The following SSH1 variants were observed in gnomAD, a reference collection of about 807,000 sequenced individuals.
SSH1 encodes slingshot protein phosphatase 1.
A neutral mutation model predicts 79.7 loss-of-function variants in SSH1; 43 were observed. The observed-to-expected ratio is 0.54, with a 90% CI of 0.42 to 0.70. The LOEUF is 0.70. Among genes scored for constraint, SSH1 ranks in the 30% least tolerant of loss-of-function variants. SSH1 has a pLI of 0.00. For synonymous variants in SSH1, 599 were observed against 538.3 expected, an observed-to-expected ratio of 1.11 and a Z score of -1.56; for missense variants, 1,206 against 1,358.8, an observed-to-expected ratio of 0.89 and a Z score of 1.77.
chr12:108,800,024 T>C (rs1025043863), intron 12 of SSH1, among the ~76,000 whole-genome samples: 28 of 152,190 alleles, frequency 1.8e-4, no homozygotes, highest in Non-Finnish European at 1.2e-4. Context: ...TCCCCCTAAC[T>C]GCTGGTCTGA....
chr12:108,800,889 T>G lies in SSH1; in HGVS notation c.1039A>C (p.Asn347His). 1 of 1,614,016 alleles carries G rather than the reference T, an allele frequency of 6.2e-7. No individual in the cohort carries two copies. Among genetic ancestry groups the G allele is most frequent in the Non-Finnish European group, 8.5e-7 (1 of 1,179,958 alleles). Residue 347 changes from asparagine to histidine, a missense_variant, in exon 12 of 15, where the codon AAT (asparagine) becomes CAT (histidine). By Grantham distance (68) the Asn-to-His change is moderately conservative. Around this residue, in one of 5 missense-constraint regions of SSH1, gnomAD observed 166 missense variants for 262.9 expected, o/e 0.63. Coordinates refer to ENST00000326495, the MANE Select transcript of SSH1 (RefSeq NM_018984.4). The stretch of plus-strand genomic sequence containing the variant: ...TATGCAAATAAGCCAGGAAAAAAAT[T>G]ATCGATTTCTCTGGTAACATTTAAA... ...YILNVTREID[N>H]FFPGLFAYHN... is the part of the protein sequence containing the mutation.
intron 2 of SSH1, among the ~76,000 whole-genome samples, chr12:108,834,950 TC>T (rs149247231): frequency 0.012 from 1,816 of 152,258 alleles, 37 homozygotes; most frequent in African/African-American, 0.041. Flanking sequence ...CACTGGGCAC[TC>T]CCCACACACA....
intron 1 of SSH1, chr12:108,853,409 C>T: frequency 1.1e-6 from 1 of 939,676 alleles, no homozygotes; most frequent in Non-Finnish European, 1.3e-6. Flanking sequence ...CCAAACAACT[C>T]CGCACCGCTG....
intron 10 of SSH1, among the ~76,000 whole-genome samples, chr12:108,804,431 G>A (rs1593041403): frequency 6.6e-6 from 1 of 152,348 alleles, no homozygotes; most frequent in African/African-American, 2.4e-5. Flanking sequence ...CAACTTGCCA[G>A]TTGCCTTCTA....
intron 14 of SSH1, chr12:108,791,854 CA>C: frequency 2.9e-6 from 3 of 1,025,278 alleles, no homozygotes; most frequent in Non-Finnish European, 3.7e-6. Flanking sequence ...CCAGGATCAT[CA>C]GGGGTGTGGG....
intron 2 of SSH1, among the ~76,000 whole-genome samples, chr12:108,842,681 T>C (rs910488702): frequency 6.6e-6 from 1 of 152,204 alleles, no homozygotes; most frequent in Non-Finnish European, 1.5e-5. Context: ...CTGGTTCTTC[T>C]GATAAACTCC....
intron 2 of SSH1, among the ~76,000 whole-genome samples, chr12:108,830,226 T>G (rs1593106890): frequency 6.6e-6 from 1 of 152,044 alleles, no homozygotes; most frequent in Non-Finnish European, 1.5e-5. Flanking sequence ...CCAAGGTGGG[T>G]GGATCACTTG....
At position 108,857,581 on chromosome 12, in the gene SSH1, C is replaced by G. The variant is rs1220125613; in HGVS notation, c.-85G>C. 2.9e-5 allele frequency: 24 copies of G among 828,006 alleles called. No individual in the cohort carries two copies. Among genetic ancestry groups the G allele is most frequent in the Non-Finnish European group, 2.8e-5 (19 of 689,248 alleles). 51.3% of individuals were successfully genotyped at this position (828,006 alleles called of 1,614,324 possible). A position where few individuals can be genotyped will look rare whatever the true frequency, so the allele number is the denominator to read the frequency against. On this transcript the variant is annotated 5_prime_UTR_variant, in exon 1 of 15. Coordinates refer to ENST00000326495, the MANE Select transcript of SSH1 (RefSeq NM_018984.4). This position sits in a 1 kb window ranked among gnomAD's most constrained non-coding sequence, Gnocchi z 4.7. ...GCCGCCCGGGCCGGGCCCGGGGCCT[C>G]CTGGAGCCGCGCGCGGGCGGCCGGG...
intron 13 of SSH1, among the ~76,000 whole-genome samples, chr12:108,794,678 CA>C (rs1285448244): frequency 6.6e-6 from 1 of 152,214 alleles, no homozygotes; most frequent in Admixed American, 6.5e-5. Flanking sequence ...GGAAGTGGGT[CA>C]CGCAAATCTG....
chr12:108,852,363 G>C (rs548057013), intron 2 of SSH1, among the ~76,000 whole-genome samples: 17 of 151,710 alleles, frequency 1.1e-4, no homozygotes, highest in Non-Finnish European at 2.5e-4. Flanking sequence ...CAAGTAGCTG[G>C]GACTACAAGC....
chr12:108,792,337 G>A lies in SSH1; in HGVS notation c.1842C>T (p.Asn614=). The part of the protein sequence containing the change: ...LPTQLDQNLL[N]SENLNNNSKR... ...TGCTGTTGTTGTTTAGGTTCTCCGA[G>A]TTGAGCAGGTTTTGATCGAGCTGGG... The change falls in exon 14 of 15, where the codon AAC becomes AAT. Residue 614 remains asparagine, a synonymous_variant. Transcript: ENST00000326495. The A allele has an allele frequency of 3.1e-6, 5 of 1,614,212 alleles. No homozygotes were observed. Among genetic ancestry groups the A allele is most frequent in the Non-Finnish European group, 3.4e-6 (4 of 1,180,038 alleles).
At position 108,782,135 on chromosome 12, in the gene SSH1, AAAAAAAAAAAAAAAAATT is replaced by A. The variant is rs1348084245; in HGVS notation, c.*5835_*5852del. On this transcript the variant is annotated 3_prime_UTR_variant, in exon 15 of 15. Transcript: ENST00000326495. Reference sequence around the variant, plus strand: ...GCAAGAGAGCCAGACCCAGTCTCAAAAAAAAAAAAAAAAAAATTAAAAAAAAAAAAATGGAAGCAGCTC... The same window carrying A: ...GCAAGAGAGCCAGACCCAGTCTCAAAAAAAAAAAAAAAATGGAAGCAGCTC... The A allele has an allele frequency of 1.8e-4, 14 of 76,962 alleles. No individual in the cohort carries two copies. The highest frequency in any genetic ancestry group is 5.1e-4 in the African/African-American group (13 of 25,318). The allele number at this position is 76,962 out of a possible 1,614,324, so 4.8% of individuals were successfully genotyped here. A position where few individuals can be genotyped will look rare whatever the true frequency, so the allele number is the denominator to read the frequency against.
chr12:108,797,732 C>T (rs972154558), intron 13 of SSH1, among the ~76,000 whole-genome samples: 1 of 152,190 alleles, frequency 6.6e-6, no homozygotes, highest in Non-Finnish European at 1.5e-5. Context: ...TATCCCCTTT[C>T]CAGCTCCCCT....
At chr12:108,806,567 C>T (rs1477985617) in intron 8 of SSH1, among the ~76,000 whole-genome samples, 173 bp from the exon 9 acceptor site, 5 of 152,210 alleles carry the variant, frequency 3.3e-5, no homozygotes, top group Admixed American at 2.6e-4. Flanking sequence ...AAACCCGCTG[C>T]AGCTCTAGAA....
intron 2 of SSH1, among the ~76,000 whole-genome samples, chr12:108,834,681 C>T (rs888357373): frequency 4.6e-5 from 7 of 152,272 alleles, no homozygotes; most frequent in South Asian, 4.1e-4. Context: ...ACCTAGGAAC[C>T]CAAGTTCCCT....
At chr12:108,835,935 T>TTATAACTATATTAATATAATCGAC (rs2038602637) in intron 2 of SSH1, among the ~76,000 whole-genome samples, 1 of 144,918 alleles carries the variant, frequency 6.9e-6, no homozygotes, top group Admixed American at 6.9e-5. Context: ...ATATAATCAA[T>TTATAACTATATTAATATAATCGAC]TATAACTATA....
rs908502722 is a variant in SSH1 at position 108,819,106 on chromosome 12, C to CG, written c.215-794dup. ...TGGAGGCAGACATTATTTCCATAAC[C>CG]GGGGGGGCGGGGGGAAATGTTTAAG... On this transcript the variant is annotated intron_variant, in intron 3 of 14. Coordinates refer to ENST00000326495, the MANE Select transcript of SSH1 (RefSeq NM_018984.4). Among the ~76,000 whole-genome samples the CG allele has an allele frequency of 2.4e-4, 36 of 151,978 alleles. 4 individuals are homozygous for CG. Among genetic ancestry groups the CG allele is most frequent in the African/African-American group, 6.3e-4 (26 of 41,434 alleles).
chr12:108,815,254 T>C (rs1194933694), intron 5 of SSH1, among the ~76,000 whole-genome samples: 1 of 152,166 alleles, frequency 6.6e-6, no homozygotes, highest in Non-Finnish European at 1.5e-5. Context: ...AGCTTCTGAC[T>C]GTCATGTGTA....
intron 2 of SSH1, among the ~76,000 whole-genome samples, chr12:108,832,512 AC>A (rs1190650130): frequency 1.3e-5 from 2 of 152,090 alleles, no homozygotes; most frequent in African/African-American, 4.8e-5. Context: ...TAATCAACTG[AC>A]CTCAAAACCA....
Sources: gnomAD v4.1 joint callset for allele counts (sites outside exome capture counted in the v4.1 genomes callset) on GRCh38, gnomAD v4.1.1 for gene constraint, gnomAD v4.1.1 regional missense constraint, Gnocchi (gnomAD v3.1) non-coding constraint, MANE v1.5 for transcripts, NCBI Gene and HGNC (gene_info 2026-07-23, HGNC 2026-07-21) for gene names.